The following BAALC variants were observed in gnomAD, a reference collection of about 807,000 sequenced individuals.
BAALC encodes the protein brain and acute leukemia cytoplasmic protein.
Under a neutral mutation model 15.5 loss-of-function variants are expected in BAALC, and 9 were observed. The ratio of observed to expected loss-of-function variants is 0.58; its 90% CI spans 0.35 to 1.02. BAALC has a LOEUF of 1.02. Among genes scored for constraint, BAALC ranks in the 50% least tolerant of loss-of-function variants. The probability of loss-of-function intolerance (pLI) is 0.02; values close to 1 mark genes in which losing one functional copy is unlikely to be tolerated. For missense variants in BAALC, 201 were observed against 192.4 expected (o/e 1.04, Z -0.27); for synonymous variants, 80 against 74.6 (o/e 1.07, Z -0.37).
chr8:103,174,260 CA>C (rs34745381), intron 1 of BAALC, among the ~76,000 whole-genome samples: 428 of 126,758 alleles, frequency 3.4e-3, no homozygotes, highest in Middle Eastern at 0.012. Flanking sequence ...GGCAAAGCAC[CA>C]AAAAAAAAAA....
chr8:103,223,815 CTTT>C (rs879551772), intron 2 of BAALC, among the ~76,000 whole-genome samples: 1 of 152,182 alleles, frequency 6.6e-6, no homozygotes, highest in Non-Finnish European at 1.5e-5. Flanking sequence ...TACCAACAGT[CTTT>C]TCTAAAGAAA....
In BAALC at chr8:103,229,315, C is replaced by T. The variant is rs1812872055; in HGVS notation, c.*1216C>T. ...TGGGAAAGATAGGACTAAAGTTGTG[C>T]CAAACTATATCAATAAATTCCATGT... On this transcript the variant is annotated 3_prime_UTR_variant, in exon 3 of 3. Coordinates refer to ENST00000309982, the MANE Select transcript of BAALC (RefSeq NM_024812.3). 6.6e-6 allele frequency: 1 copy of T among 152,132 alleles called. No homozygotes were observed. The highest frequency in any genetic ancestry group is 1.5e-5 in the Non-Finnish European group (1 of 68,018). The allele number at this position is 152,132 out of a possible 1,614,324, so 9.4% of individuals were successfully genotyped here.
chr8:103,216,294 G>A (rs1443370427), intron 2 of BAALC, among the ~76,000 whole-genome samples: 1 of 152,120 alleles, frequency 6.6e-6, no homozygotes, highest in Non-Finnish European at 1.5e-5. Flanking sequence ...GAATTGTTGG[G>A]TCACAGGACA....
At chr8:103,217,427 C>T (rs768259156) in intron 2 of BAALC, among the ~76,000 whole-genome samples, 8 of 151,376 alleles carry the variant, frequency 5.3e-5, no homozygotes, top group Non-Finnish European at 1.0e-4. Flanking sequence ...AAAGAAAATA[C>T]TTTTCTTCCT....
chr8:103,224,921 T>G (rs1424781894), intron 2 of BAALC, among the ~76,000 whole-genome samples: 1 of 152,176 alleles, frequency 6.6e-6, no homozygotes, highest in African/African-American at 2.4e-5. Context: ...CCCAGACCCC[T>G]TAGATAGGAG....
At chr8:103,192,908 G>C (rs1158205784) in intron 1 of BAALC, among the ~76,000 whole-genome samples, 1 of 152,136 alleles carries the variant, frequency 6.6e-6, no homozygotes, top group Non-Finnish European at 1.5e-5. Flanking sequence ...TCTCTTACCA[G>C]CATCCCAGAT....
intron 1 of BAALC, chr8:103,190,972 G>A (rs1431453376): frequency 6.6e-6 from 1 of 152,246 alleles, no homozygotes; most frequent in African/African-American, 2.4e-5. Context: ...GAGGCGGGGG[G>A]ACTGCCTGAG....
rs1425826816 is a variant in BAALC at position 103,140,863 on chromosome 8, C to G, written c.-35C>G. ...CTGAGCCGCCGCCAGAGCCGACAGC[C>G]GAGCAGCCGCTGGGCGCTCCCGCGG... On this transcript the variant is annotated 5_prime_UTR_variant, in exon 1 of 3. Transcript: ENST00000309982. The surrounding 1 kb of genome is among the most constrained non-coding windows in gnomAD (Gnocchi z 4.2). The G allele has an allele frequency of 4.1e-6, 6 of 1,465,530 alleles. No homozygotes were observed. The highest frequency in any genetic ancestry group is 2.7e-5 in the South Asian group (2 of 74,854). 90.8% of individuals were successfully genotyped at this position (1,465,530 alleles called of 1,614,324 possible).
intron 1 of BAALC, among the ~76,000 whole-genome samples, chr8:103,144,811 A>G (rs1343210447): frequency 1.3e-5 from 2 of 152,262 alleles, no homozygotes; most frequent in Non-Finnish European, 2.9e-5. Context: ...ACTGAAAGAT[A>G]GTCAAATAAA....
chr8:103,180,166 G>A (rs1014394392), intron 1 of BAALC, among the ~76,000 whole-genome samples: 6 of 152,224 alleles, frequency 3.9e-5, no homozygotes, highest in African/African-American at 9.6e-5. Flanking sequence ...GATAGGACAG[G>A]GTGGGCGAGT....
chr8:103,203,281 G>A (rs773286819), intron 1 of BAALC, among the ~76,000 whole-genome samples: 5 of 152,192 alleles, frequency 3.3e-5, no homozygotes, highest in Non-Finnish European at 5.9e-5. Context: ...GGGGGCTGTT[G>A]CTAGTGCTAC....
rs199696534 is a variant in BAALC, at chr8:103,221,390, GAGGAAGGATTGGCAC to G, written c.328-6596_328-6582del. Among the ~76,000 whole-genome samples, 8 of 151,946 alleles carry G rather than the reference GAGGAAGGATTGGCAC, an allele frequency of 5.3e-5. No individual in the cohort carries two copies. The East Asian group carries it at 1.5e-3, about 29-fold the overall frequency. ...TCACAAAACAAGAATGTTAGAAGTA[GAGGAAGGATTGGCAC>G]AGCTGCATGAGAAAAAGGTGCTAAT... On this transcript the variant is annotated intron_variant, in intron 2 of 2. Transcript: ENST00000309982.
intron 1 of BAALC, among the ~76,000 whole-genome samples, chr8:103,191,771 C>T (rs1348073417): frequency 6.6e-6 from 1 of 152,150 alleles, no homozygotes; most frequent in African/African-American, 2.4e-5. Flanking sequence ...ACTGCATCTA[C>T]ACCCAGAACT....
intron 2 of BAALC, among the ~76,000 whole-genome samples, chr8:103,221,023 G>A (rs1296611597): frequency 6.6e-6 from 1 of 152,114 alleles, no homozygotes; most frequent in Non-Finnish European, 1.5e-5. Flanking sequence ...GTGAGAAAAG[G>A]CTGAACAAAG....
chr8:103,190,212 G>GTA (rs1811934481), intron 1 of BAALC, among the ~76,000 whole-genome samples: 1 of 152,170 alleles, frequency 6.6e-6, no homozygotes, highest in Non-Finnish European at 1.5e-5. Flanking sequence ...GATGTATTGA[G>GTA]TATAAAGTGA....
Position 103,229,838 on chromosome 8 carries a change from A to ATGTT in BAALC, c.*1741_*1744dup, listed in dbSNP as rs1812888519. On this transcript the variant is annotated 3_prime_UTR_variant, in exon 3 of 3. Transcript: ENST00000309982. ...TTTTAGGAACTTTATGTTCTAAAAA[A>ATGTT]TGTTTTTAACAATAATAAGATAAAA... 2.0e-5 allele frequency: 3 copies of ATGTT among 152,218 alleles called. No individual in the cohort carries two copies. Among genetic ancestry groups the ATGTT allele is most frequent in the Admixed American group, 6.5e-5 (1 of 15,278 alleles). The allele number at this position is 152,218 out of a possible 1,614,324, so 9.4% of individuals were successfully genotyped here. A position where few individuals can be genotyped will look rare whatever the true frequency, so the allele number is the denominator to read the frequency against.
Position 103,164,689 on chromosome 8 carries a change from C to T in BAALC, c.160+23632C>T, listed in dbSNP as rs569135935. The stretch of plus-strand genomic sequence containing the variant: ...ATGTATTTAGTCTTGCAACTTCCTC[C>T]GATGGAACATTTTACCTTCACCCTT... On this transcript the variant is annotated intron_variant, in intron 1 of 2. Coordinates refer to ENST00000309982, the MANE Select transcript of BAALC (RefSeq NM_024812.3). Among the ~76,000 whole-genome samples the T allele has an allele frequency of 2.0e-4, 30 of 152,302 alleles. No individual in the cohort carries two copies. In the East Asian group the frequency reaches 3.1e-3, roughly 16 times the overall value.
intron 1 of BAALC, among the ~76,000 whole-genome samples, chr8:103,178,429 G>T (rs1441662253): frequency 6.6e-6 from 1 of 152,214 alleles, no homozygotes; most frequent in Non-Finnish European, 1.5e-5. Flanking sequence ...CGGGTGGATT[G>T]TACCAATGTC....
At position 103,198,573 on chromosome 8, in the gene BAALC, C is replaced by G. The variant is rs138076212; in HGVS notation, c.161-14346C>G. Among the ~76,000 whole-genome samples, 510 of 152,062 alleles carry G rather than the reference C, an allele frequency of 3.4e-3. 4 individuals carry two copies. The highest frequency in any genetic ancestry group is 0.012 in the African/African-American group (487 of 41,460). ...ATATGTGTGTGTATGTATCCCTGTA[C>G]AAAAATAGCATAACATAGATATAAT... On this transcript the variant is annotated intron_variant, in intron 1 of 2. Coordinates refer to ENST00000309982, the MANE Select transcript of BAALC (RefSeq NM_024812.3).
Sources: gnomAD v4.1 joint callset for allele counts (sites outside exome capture counted in the v4.1 genomes callset) on GRCh38, gnomAD v4.1.1 for gene constraint, Gnocchi (gnomAD v3.1) non-coding constraint, MANE v1.5 for transcripts, NCBI Gene and HGNC (gene_info 2026-07-23, HGNC 2026-07-21) for gene names.